PKP4: variants seen among roughly 807,000 people sequenced by gnomAD.
PKP4 encodes the protein plakophilin 4, also known as plakophilin-4.
Under a neutral mutation model 145.1 loss-of-function variants are expected in PKP4, and 90 were observed. That is an observed-to-expected ratio of 0.62 (90% CI 0.52 to 0.74). The LOEUF is 0.74. Ranked by LOEUF, PKP4 falls within the 30% of genes least tolerant of loss-of-function variation. The pLI, the probability that PKP4 is intolerant of heterozygous loss-of-function variation, is 0.00. For synonymous variants in PKP4, 563 were observed against 577.2 expected, an observed-to-expected ratio of 0.98 and a Z score of 0.35; for missense variants, 1,340 against 1,482.7, an observed-to-expected ratio of 0.90 and a Z score of 1.58.
intron 4 of PKP4, among the ~76,000 whole-genome samples, chr2:158,617,987 A>C (rs1255125958): frequency 2.6e-5 from 4 of 152,198 alleles, no homozygotes; most frequent in Admixed American, 2.6e-4. Context: ...GTTTGAGGCC[A>C]GCCTGGCCAA....
At chr2:158,626,027 G>A (rs1231647951) in intron 7 of PKP4, among the ~76,000 whole-genome samples, 3 of 152,116 alleles carry the variant, frequency 2.0e-5, no homozygotes, top group Non-Finnish European at 4.4e-5. Context: ...GTTTTTCGTG[G>A]AGGGTTTCCT....
At chr2:158,473,755 A>G (rs1691990373) in intron 1 of PKP4, among the ~76,000 whole-genome samples, 1 of 152,204 alleles carries the variant, frequency 6.6e-6, no homozygotes, top group Non-Finnish European at 1.5e-5. Flanking sequence ...CCCCAGCGAT[A>G]TAAGTTTACC....
At chr2:158,516,579 C>G (rs1273445279) in intron 1 of PKP4, among the ~76,000 whole-genome samples, 1 of 151,450 alleles carries the variant, frequency 6.6e-6, no homozygotes, top group Non-Finnish European at 1.5e-5. Flanking sequence ...TTAGCTAGTT[C>G]ATGTAGAAAG....
intron 1 of PKP4, among the ~76,000 whole-genome samples, chr2:158,470,540 AAC>A (rs1485359077): frequency 6.6e-6 from 1 of 152,216 alleles, no homozygotes; most frequent in Non-Finnish European, 1.5e-5. Context: ...AAGAACAAAA[AAC>A]ACAACACAAT....
At chr2:158,623,831 G>A (rs566167942) in intron 6 of PKP4, among the ~76,000 whole-genome samples, 1 of 152,174 alleles carries the variant, frequency 6.6e-6, no homozygotes, top group South Asian at 2.1e-4. Context: ...CCTGGTCCTA[G>A]TCTTCTAACC....
In PKP4 at chr2:158,663,344, G is replaced by A. The variant is rs933974052; in HGVS notation, c.2476G>A (p.Val826Met). ...GGTTGAGATGCTGTGGCACCCATCG[G>A]TGGTAAAACCATATCTGACTCTTCT... ...KGVEMLWHPSVVKPYLTLLAE... is the reference protein window; with the variant it reads ...KGVEMLWHPSMVKPYLTLLAE... The change falls in exon 15 of 22, where the codon GTG (valine) becomes ATG (methionine). Residue 826 changes from valine (V) to methionine (M), a missense_variant. Physicochemically the swap from Val to Met is conservative, Grantham distance 21. Coordinates refer to ENST00000389759, the MANE Select transcript of PKP4 (RefSeq NM_003628.6). 2.5e-6 allele frequency: 4 copies of A among 1,614,096 alleles called. No individual in the cohort carries two copies. The East Asian group carries it at 8.9e-5, about 36-fold the overall frequency.
chr2:158,478,440 T>C (rs932916530), intron 1 of PKP4, among the ~76,000 whole-genome samples: 2 of 152,158 alleles, frequency 1.3e-5, no homozygotes, highest in African/African-American at 4.8e-5. Context: ...TTAACATGTT[T>C]TAGAAGAGTC....
At chr2:158,549,898 A>G (rs541576500) in intron 2 of PKP4, among the ~76,000 whole-genome samples, 14 of 152,308 alleles carry the variant, frequency 9.2e-5, no homozygotes, top group African/African-American at 3.4e-4. Flanking sequence ...AGGTTGTGAA[A>G]ACTACTTAAG....
At chr2:158,607,107 A>T (rs1375572063) in intron 4 of PKP4, among the ~76,000 whole-genome samples, 1 of 152,214 alleles carries the variant, frequency 6.6e-6, no homozygotes, top group African/African-American at 2.4e-5. Context: ...GAATATTTTA[A>T]TGCTTTTGCT....
At position 158,577,237 on chromosome 2, in the gene PKP4, C is replaced by T. The variant is rs192748503; in HGVS notation, c.133-34C>T. ...TATCTGCCTGAGCAGCATACCTTGG[C>T]GCCTTATATGCCTTTTATTTTCTTG... On this transcript the variant is annotated intron_variant, in intron 2 of 21. Transcript: ENST00000389759. 1.5e-4 allele frequency: 202 copies of T among 1,371,986 alleles called. 1 individual carries two copies. The East Asian group carries it at 3.7e-3, about 25-fold the overall frequency. The allele number at this position is 1,371,986 out of a possible 1,614,324, so 85.0% of individuals were successfully genotyped here.
Position 158,650,148 on chromosome 2 carries a change from C to T in PKP4, c.1909+7449C>T, listed in dbSNP as rs115617981. ...CGCTGCCCCCACTGCCGTTTCTGCCCCAGAAGGATTCTCTAATTTCCTTTC... is the reference window on the plus strand; with the variant it reads ...CGCTGCCCCCACTGCCGTTTCTGCCTCAGAAGGATTCTCTAATTTCCTTTC... On this transcript the variant is annotated intron_variant, in intron 11 of 21. Coordinates refer to ENST00000389759, the MANE Select transcript of PKP4 (RefSeq NM_003628.6). Among the ~76,000 whole-genome samples, 733 of 152,300 alleles carry T rather than the reference C, an allele frequency of 4.8e-3. 2 individuals are homozygous for T. Among genetic ancestry groups the T allele is most frequent in the African/African-American group, 0.016 (669 of 41,570 alleles).
intron 3 of PKP4, among the ~76,000 whole-genome samples, chr2:158,594,167 G>A (rs2049512520): frequency 6.6e-6 from 1 of 152,118 alleles, no homozygotes; most frequent in South Asian, 2.1e-4. Flanking sequence ...GTTTGGAGTG[G>A]AGATGGATTG....
At chr2:158,504,073 C>A (rs1385158336) in intron 1 of PKP4, among the ~76,000 whole-genome samples, 1 of 145,470 alleles carries the variant, frequency 6.9e-6, no homozygotes. Flanking sequence ...TCCTTTTTAA[C>A]TTCCCTTTCT....
intron 2 of PKP4, among the ~76,000 whole-genome samples, chr2:158,573,654 CAAA>C (rs56145817): frequency 8.6e-5 from 11 of 128,128 alleles, no homozygotes; most frequent in Admixed American, 1.6e-4. Flanking sequence ...AAATGGAAGC[CAAA>C]AAAAAAAAAA....
chr2:158,560,772 T>TGA (rs2046447710), intron 2 of PKP4, among the ~76,000 whole-genome samples: 1 of 152,234 alleles, frequency 6.6e-6, no homozygotes, highest in Non-Finnish European at 1.5e-5. Flanking sequence ...CCAACTCCTC[T>TGA]GATGTGGTTG....
chr2:158,590,357 GTA>G (rs1553453724), intron 3 of PKP4, among the ~76,000 whole-genome samples: 7 of 130,438 alleles, frequency 5.4e-5, no homozygotes, highest in African/African-American at 1.8e-4. Flanking sequence ...GTGTGTGTGT[GTA>G]TTGTGTATTT....
At chr2:158,503,875 A>T (rs1053965920) in intron 1 of PKP4, among the ~76,000 whole-genome samples, 1 of 151,534 alleles carries the variant, frequency 6.6e-6, no homozygotes, top group African/African-American at 2.4e-5. Context: ...CTCTGTACCC[A>T]GAGTTTCTGA....
At chr2:158,560,813 G>C (rs1284788844) in intron 2 of PKP4, among the ~76,000 whole-genome samples, 1 of 152,104 alleles carries the variant, frequency 6.6e-6, no homozygotes, top group Non-Finnish European at 1.5e-5. Context: ...ATTAAACTGG[G>C]GTTTACAGAT....
chr2:158,536,012 A>G (rs766569558), intron 2 of PKP4, among the ~76,000 whole-genome samples: 2 of 152,224 alleles, frequency 1.3e-5, no homozygotes, highest in Non-Finnish European at 2.9e-5. Context: ...AATGCTTACA[A>G]CAGTACCTGG....
Sources: allele counts gnomAD v4.1 joint callset (sites outside exome capture counted in the v4.1 genomes callset), GRCh38; gene constraint gnomAD v4.1.1; transcripts MANE v1.5; gene names NCBI Gene and HGNC (gene_info 2026-07-23, HGNC 2026-07-21).